The following NTPCR variants were observed in gnomAD, a reference collection of about 807,000 sequenced individuals.
NTPCR encodes the protein nucleoside-triphosphatase, cancer-related.
A neutral mutation model predicts 19.5 loss-of-function variants in NTPCR; 15 were observed. The ratio of observed to expected loss-of-function variants is 0.77; its 90% CI spans 0.51 to 1.18. The LOEUF (loss-of-function observed/expected upper bound fraction) is 1.18, where lower values mean the gene tolerates loss of function less well. Ranked by LOEUF, NTPCR falls within the 50% of genes most tolerant of loss-of-function variation. NTPCR has a pLI of 0.00. For synonymous variants in NTPCR, 90 were observed against 95.8 expected, an observed-to-expected ratio of 0.94 and a Z score of 0.36; for missense variants, 206 against 240.4, an observed-to-expected ratio of 0.86 and a Z score of 0.95.
chr1:232,959,846 A>G (rs1189031219), intron 3 of NTPCR, among the ~76,000 whole-genome samples: 1 of 152,020 alleles, frequency 6.6e-6, no homozygotes, highest in African/African-American at 2.4e-5. Context: ...TAATACTACA[A>G]AAAAATAAGA....
intron 3 of NTPCR, among the ~76,000 whole-genome samples, chr1:232,956,987 A>G (rs1278106958): frequency 2.6e-5 from 4 of 152,218 alleles, no homozygotes; most frequent in Non-Finnish European, 5.9e-5. Context: ...ACATTGAATA[A>G]AAGTGGTGAG....
At chr1:232,953,193 G>A (rs371513850) in intron 1 of NTPCR, among the ~76,000 whole-genome samples, 325 of 152,214 alleles carry the variant, frequency 2.1e-3, no homozygotes, top group African/African-American at 7.6e-3. Flanking sequence ...AGTCCATCAT[G>A]TTGTCACTGC....
intron 3 of NTPCR, chr1:232,963,547 C>T (rs1161537368): frequency 6.6e-6 from 1 of 152,128 alleles, no homozygotes; most frequent in Admixed American, 6.5e-5. Flanking sequence ...CACTTTGTCC[C>T]ATTTCCAGCA....
At chr1:232,960,973 T>G (rs1668655404) in intron 3 of NTPCR, among the ~76,000 whole-genome samples, 1 of 152,236 alleles carries the variant, frequency 6.6e-6, no homozygotes. Flanking sequence ...CTGCCCCTTT[T>G]GTATACCTGG....
intron 1 of NTPCR, among the ~76,000 whole-genome samples, chr1:232,951,288 C>G (rs1668359599): frequency 2.0e-5 from 3 of 152,058 alleles, no homozygotes. Flanking sequence ...CGAATTCCCT[C>G]CACAGCTGAG....
intron 4 of NTPCR, among the ~76,000 whole-genome samples, chr1:232,971,391 C>G (rs1668974140): frequency 6.6e-6 from 1 of 152,160 alleles, no homozygotes; most frequent in Admixed American, 6.5e-5. Flanking sequence ...GTCACCTTGG[C>G]CCACTGGCAG....
At position 232,970,013 on chromosome 1, in the gene NTPCR, G is replaced by A. The variant is rs763996753; in HGVS notation, c.399G>A (p.Leu133=). ...TCATTCAAGCTGTTCGTCAGACGCT[G>A]TCTACCCCAGGGACTATAATCCTTG... ...QLFIQAVRQT[L]STPGTIILGT... is the part of the protein sequence containing the mutation. The change falls in exon 4 of 5, where the codon CTG becomes CTA. Residue 133 remains leucine, a synonymous_variant. Transcript: ENST00000366628. 1 of 1,614,186 alleles carries A rather than the reference G, an allele frequency of 6.2e-7. No homozygotes were observed. Among genetic ancestry groups the A allele is most frequent in the South Asian group, 1.1e-5 (1 of 91,084 alleles).
At chr1:232,966,217 G>T (rs1326275019) in intron 3 of NTPCR, 1 of 152,216 alleles carries the variant, frequency 6.6e-6, no homozygotes, top group Non-Finnish European at 1.5e-5. Context: ...CCTAGAACTT[G>T]CTGCTGTTTG....
In NTPCR at chr1:232,983,149, TCTC is replaced by T. The variant is rs1669326469; in HGVS notation, c.*4922_*4924del. On this transcript the variant is annotated 3_prime_UTR_variant, in exon 5 of 5. Transcript: ENST00000366628. ...CTCTACAATACCCTTCCCCCAACCC[TCTC>T]CTCAAATTTCCAAATCCTAAATACT... 6.6e-6 allele frequency: 1 copy of T among 152,122 alleles called. No individual in the cohort carries two copies. Among genetic ancestry groups the T allele is most frequent in the South Asian group, 2.1e-4 (1 of 4,818 alleles). The allele number at this position is 152,122 out of a possible 1,614,324, so 9.4% of individuals were successfully genotyped here. A position where few individuals can be genotyped will look rare whatever the true frequency, so the allele number is the denominator to read the frequency against.
intron 2 of NTPCR, 76 bp downstream of exon 2, chr1:232,955,795 A>G: frequency 6.9e-7 from 1 of 1,441,260 alleles, no homozygotes. Context: ...CTTTTCAACA[A>G]GAGCTAAATT....
Position 232,978,344 on chromosome 1 carries a change from T to G in NTPCR, c.*113T>G, listed in dbSNP as rs1368925278. ...GGGGTTATGGAACCTTGTGGGCTTT[T>G]CTAGAGAAAACTCAACAGCTGTTTC... On this transcript the variant is annotated 3_prime_UTR_variant, in exon 5 of 5. Coordinates refer to ENST00000366628, the MANE Select transcript of NTPCR (RefSeq NM_032324.3). 2 of 809,580 alleles carry G rather than the reference T, an allele frequency of 2.5e-6. No homozygotes were observed. Among genetic ancestry groups the G allele is most frequent in the Non-Finnish European group, 4.0e-6 (2 of 501,372 alleles). The allele number at this position is 809,580 out of a possible 1,614,324, so 50.1% of individuals were successfully genotyped here. A position where few individuals can be genotyped will look rare whatever the true frequency, so the allele number is the denominator to read the frequency against.
rs377540572 is a variant in NTPCR at position 232,954,239 on chromosome 1, C to A, written c.35-1318C>A. 1.7e-4 allele frequency among the ~76,000 whole-genome samples: 26 copies of A among 152,364 alleles called. 1 individual carries two copies. The highest frequency in any genetic ancestry group is 6.3e-4 in the African/African-American group (26 of 41,580). ...TCTACACAGTTCTACCAGCTGCATG[C>A]TCACTGTGGCTTACTGTAGCCAGAA... On this transcript the variant is annotated intron_variant, in intron 1 of 4. Transcript: ENST00000366628.
At chr1:232,971,761 G>A (rs1328201220) in intron 4 of NTPCR, among the ~76,000 whole-genome samples, 2 of 152,292 alleles carry the variant, frequency 1.3e-5, no homozygotes, top group Admixed American at 1.3e-4. Flanking sequence ...GTAGTTGGGG[G>A]CAGGAGTAGC....
Position 232,983,266 on chromosome 1 carries a change from C to G in NTPCR, c.*5035C>G, listed in dbSNP as rs1218283307. The G allele has an allele frequency of 6.6e-6, 1 of 152,150 alleles. No homozygotes were observed. Among genetic ancestry groups the G allele is most frequent in the Admixed American group, 6.5e-5 (1 of 15,278 alleles). The allele number at this position is 152,150 out of a possible 1,614,324, so 9.4% of individuals were successfully genotyped here. ...GGGATGGTTCACCAGGCCAGTGATA[C>G]TCTATGGACTGCATTTTGGGACCTC... On this transcript the variant is annotated 3_prime_UTR_variant, in exon 5 of 5. Coordinates refer to ENST00000366628, the MANE Select transcript of NTPCR (RefSeq NM_032324.3).
intron 3 of NTPCR, among the ~76,000 whole-genome samples, chr1:232,958,555 G>T (rs1007942590): frequency 6.6e-6 from 1 of 152,112 alleles, no homozygotes; most frequent in African/African-American, 2.4e-5. Context: ...TTTCAGCAGG[G>T]GGTTGTGCTT....
intron 1 of NTPCR, among the ~76,000 whole-genome samples, chr1:232,955,035 T>C (rs538819233): frequency 5.3e-5 from 8 of 152,328 alleles, no homozygotes; most frequent in African/African-American, 1.9e-4. Flanking sequence ...GCTAATGATA[T>C]TTAAGAGACA....
At chr1:232,954,978 T>C (rs1668473126) in intron 1 of NTPCR, among the ~76,000 whole-genome samples, 1 of 152,164 alleles carries the variant, frequency 6.6e-6, no homozygotes, top group Non-Finnish European at 1.5e-5. Context: ...GCTAACCTGA[T>C]AGGCTTGCTG....
intron 4 of NTPCR, chr1:232,976,735 G>C: frequency 1.6e-6 from 1 of 621,670 alleles, no homozygotes; most frequent in Non-Finnish European, 2.5e-6. Flanking sequence ...ATGGGATCAC[G>C]GGACTGACGC....
chr1:232,982,750 G>T lies in NTPCR; in HGVS notation c.*4519G>T, dbSNP rs1182470473. The T allele has an allele frequency of 6.6e-6, 1 of 152,200 alleles. No individual in the cohort carries two copies. Among genetic ancestry groups the T allele is most frequent in the Admixed American group, 6.5e-5 (1 of 15,282 alleles). 9.4% of individuals were successfully genotyped at this position (152,200 alleles called of 1,614,324 possible). A position where few individuals can be genotyped will look rare whatever the true frequency, so the allele number is the denominator to read the frequency against. On this transcript the variant is annotated 3_prime_UTR_variant, in exon 5 of 5. Transcript: ENST00000366628. ...CCAGTCATACTCCTGGCTGACCACT[G>T]CCAGGCACCGTGGTTTTCCTCACTG...
Sources: allele counts gnomAD v4.1 joint callset (sites outside exome capture counted in the v4.1 genomes callset), GRCh38; gene constraint gnomAD v4.1.1; transcripts MANE v1.5; gene names NCBI Gene and HGNC (gene_info 2026-07-23, HGNC 2026-07-21).